ULK1: variants seen among roughly 807,000 people sequenced by gnomAD.
The protein encoded by ULK1 is serine/threonine-protein kinase ULK1.
Under a neutral mutation model 117.5 loss-of-function variants are expected in ULK1, and 48 were observed. The ratio of observed to expected loss-of-function variants is 0.41; its 90% CI spans 0.32 to 0.52. The LOEUF (loss-of-function observed/expected upper bound fraction) is 0.52. Ranked by LOEUF, ULK1 falls within the 20% of genes least tolerant of loss-of-function variation. The pLI is 0.29. For missense variants in ULK1, 1,387 were observed against 1,473.4 expected (o/e 0.94, Z 0.96); for synonymous variants, 790 against 637.8 (o/e 1.24, Z -3.60).
chr12:131,909,847 C>T lies in ULK1; in HGVS notation c.725+14C>T, dbSNP rs201498186. On this transcript the variant is annotated intron_variant, in intron 9 of 27. Coordinates refer to ENST00000321867, the MANE Select transcript of ULK1 (RefSeq NM_003565.4). ...GTTGGTCCCCACGTAAGCACCCTCC[C>T]GCCTTCCCTTCCCTTCCCCCGCGGG... is the stretch of plus-strand genomic sequence containing the variant. The T allele has an allele frequency of 2.5e-5, 40 of 1,611,244 alleles. No individual in the cohort carries two copies. The highest frequency in any genetic ancestry group is 1.7e-4 in the African/African-American group (13 of 74,990).
intron 10 of ULK1, 90 bp downstream of exon 10, chr12:131,910,091 G>T: frequency 1.9e-6 from 3 of 1,568,878 alleles, no homozygotes; most frequent in Non-Finnish European, 1.7e-6. Context: ...TTCACACCCA[G>T]CCCCATGTGC....
intron 3 of ULK1, among the ~76,000 whole-genome samples, chr12:131,904,267 G>A (rs1276279966): frequency 6.6e-6 from 1 of 152,188 alleles, no homozygotes; most frequent in East Asian, 1.9e-4. Flanking sequence ...TCCCACCTCA[G>A]TCCTGAGTAG....
At chr12:131,908,994 G>C (rs769984036) in intron 7 of ULK1, 23 bp downstream of exon 7, 6 of 1,612,680 alleles carry the variant, frequency 3.7e-6, no homozygotes, top group Non-Finnish European at 5.1e-6. Context: ...TGGCCGGGCT[G>C]TGCCGGGTGG....
chr12:131,916,655 C>T, intron 20 of ULK1, 64 bp downstream of exon 20: 1 of 1,433,948 alleles, frequency 7.0e-7, no homozygotes, highest in Non-Finnish European at 9.2e-7. Flanking sequence ...CTGCATTGTT[C>T]TGCTGGGTAC....
chr12:131,918,483 C>T lies in ULK1; in HGVS notation c.2327-14C>T. ...GCTGGTCCTGGTGTGCCCCTCATCGCCCTCTCCCTGCAGCGGGCCCCACTG... is the reference window on the plus strand; with the variant it reads ...GCTGGTCCTGGTGTGCCCCTCATCGTCCTCTCCCTGCAGCGGGCCCCACTG... On this transcript the variant is annotated splice_polypyrimidine_tract_variant and intron_variant, in intron 22 of 27. Transcript: ENST00000321867. 6.2e-7 allele frequency: 1 copy of T among 1,606,504 alleles called. No homozygotes were observed. Among genetic ancestry groups the T allele is most frequent in the South Asian group, 1.1e-5 (1 of 90,006 alleles).
At chr12:131,901,837 G>A (rs1366914414) in intron 3 of ULK1, among the ~76,000 whole-genome samples, 2 of 152,152 alleles carry the variant, frequency 1.3e-5, no homozygotes, top group East Asian at 1.9e-4. Flanking sequence ...GTCTCGGGGG[G>A]AATGTGAGGA....
rs1219646957 is a variant in ULK1, at chr12:131,908,675, G to A, written c.348G>A (p.Arg116=). The A allele has an allele frequency of 6.3e-7, 1 of 1,578,168 alleles. No individual in the cohort carries two copies. Among genetic ancestry groups the A allele is most frequent in the Admixed American group, 1.8e-5 (1 of 54,844 alleles). Residue 116 remains arginine, a synonymous_variant, in exon 6 of 28, where the codon AGG becomes AGA. Coordinates refer to ENST00000321867, the MANE Select transcript of ULK1 (RefSeq NM_003565.4). ...AMRTLSEDTI[R]LFLQQIAGAM... ...GCACGCTGAGCGAGGACACCATCAG[G>A]CTCTTCCTGCAGCAGATCGCGGGCG...
chr12:131,909,669 C>T (rs1303264652), intron 8 of ULK1, 106 bp from the exon 9 acceptor site: 3 of 1,226,610 alleles, frequency 2.4e-6, no homozygotes, highest in Admixed American at 2.9e-5. Flanking sequence ...CCCCGGGCTT[C>T]GCAGCGTCTG....
At position 131,922,510 on chromosome 12, in the gene ULK1, C is replaced by T. The variant is rs1312926035; in HGVS notation, c.*1149C>T. 6.3e-6 allele frequency: 1 copy of T among 158,880 alleles called. No homozygotes were observed. The highest frequency in any genetic ancestry group is 2.4e-5 in the African/African-American group (1 of 41,564). 9.8% of individuals were successfully genotyped at this position (158,880 alleles called of 1,614,324 possible). The stretch of plus-strand genomic sequence containing the variant: ...TAGGCCTGATGACAGCCCTGTCCCT[C>T]CCTGCCTCTGCCTTGCCCAAGGCCA... On this transcript the variant is annotated 3_prime_UTR_variant, in exon 28 of 28. Transcript: ENST00000321867.
intron 3 of ULK1, among the ~76,000 whole-genome samples, chr12:131,901,562 G>C (rs917454751): frequency 6.6e-6 from 1 of 152,056 alleles, no homozygotes; most frequent in Non-Finnish European, 1.5e-5. Flanking sequence ...CATTCTTCAC[G>C]TGAGCCAGCT....
At chr12:131,919,680 C>G in intron 25 of ULK1, 90 bp downstream of exon 25, 4 of 1,421,008 alleles carry the variant, frequency 2.8e-6, no homozygotes, top group Non-Finnish European at 2.9e-6. Context: ...AGGGAGGCTG[C>G]TTGAGTAGGC....
chr12:131,895,544 C>A, intron 1 of ULK1, 57 bp from the exon 2 acceptor site: 2 of 1,477,650 alleles, frequency 1.4e-6, no homozygotes, highest in Non-Finnish European at 1.9e-6. Flanking sequence ...GGACTGGGGT[C>A]TGGGGGAGGC....
At chr12:131,904,922 C>A (rs528875244) in intron 3 of ULK1, among the ~76,000 whole-genome samples, 28 of 152,270 alleles carry the variant, frequency 1.8e-4, no homozygotes, top group South Asian at 1.4e-3. Context: ...TCCCTGCAGT[C>A]CCCCTTGCCC....
chr12:131,915,461 C>T lies in ULK1; in HGVS notation c.1609+40C>T, dbSNP rs374372671. 3.7e-6 allele frequency: 6 copies of T among 1,600,050 alleles called. No individual in the cohort carries two copies. The African/African-American group carries it at 4.0e-5, about 11-fold the overall frequency. The stretch of plus-strand genomic sequence containing the variant: ...GAGGGGGGAGGGGGTGCTAGGCTGA[C>T]CTCCCTCGCTCACGTTGTCATCCTG... On this transcript the variant is annotated intron_variant, in intron 18 of 27. Coordinates refer to ENST00000321867, the MANE Select transcript of ULK1 (RefSeq NM_003565.4).
At chr12:131,904,269 C>G (rs1202410004) in intron 3 of ULK1, among the ~76,000 whole-genome samples, 1 of 152,216 alleles carries the variant, frequency 6.6e-6, no homozygotes, top group Non-Finnish European at 1.5e-5. Context: ...CCACCTCAGT[C>G]CTGAGTAGCT....
At chr12:131,920,282 C>A in intron 26 of ULK1, 146 bp downstream of exon 26, 2 of 1,078,732 alleles carry the variant, frequency 1.9e-6, no homozygotes, top group Non-Finnish European at 2.6e-6. Context: ...GCATTATGCA[C>A]CCCCAGCCTC....
chr12:131,913,267 C>T lies in ULK1; in HGVS notation c.1157+9C>T. On this transcript the variant is annotated intron_variant, in intron 14 of 27. Transcript: ENST00000321867. ...AGCCTGATGTGCAGTGGGTGAGCCC[C>T]CATCCCTTACCTCTGTATTTTAGGG... The T allele has an allele frequency of 6.4e-7, 1 of 1,553,652 alleles. No homozygotes were observed. The highest frequency in any genetic ancestry group is 2.5e-5 in the East Asian group (1 of 39,518).
At chr12:131,917,628 T>C (rs1169178735) in intron 22 of ULK1, 74 bp downstream of exon 22, 33 of 1,286,408 alleles carry the variant, frequency 2.6e-5, no homozygotes, top group African/African-American at 9.2e-5. Context: ...GGGCATCCTT[T>C]AACTCGGGTC....
Position 131,918,760 on chromosome 12 carries a change from A to ATAGGGTGTGGGGTG in ULK1, c.2511+88_2511+89insGGGTGTAGGGTGTG. The stretch of plus-strand genomic sequence containing the variant: ...GTGTGGGGTGTCGGGTGTGTGGGGT[A>ATAGGGTGTGGGGTG]TAGGGTGTGTGGGGTGTCGGGTGTG... On this transcript the variant is annotated intron_variant, in intron 23 of 27. Coordinates refer to ENST00000321867, the MANE Select transcript of ULK1 (RefSeq NM_003565.4). The ATAGGGTGTGGGGTG allele has an allele frequency of 5.6e-6, 3 of 535,730 alleles. No individual in the cohort carries two copies. The South Asian group carries it at 9.8e-5, about 18-fold the overall frequency. 33.2% of individuals were successfully genotyped at this position (535,730 alleles called of 1,614,324 possible).
Sources: allele counts gnomAD v4.1 joint callset (sites outside exome capture counted in the v4.1 genomes callset), GRCh38; gene constraint gnomAD v4.1.1; transcripts MANE v1.5; gene names NCBI Gene and HGNC (gene_info 2026-07-23, HGNC 2026-07-21).